KIF3C: variants seen among roughly 807,000 people sequenced by gnomAD.
KIF3C encodes kinesin family member 3C.
Under a neutral mutation model 67.7 loss-of-function variants are expected in KIF3C, and 12 were observed. That is an observed-to-expected ratio of 0.18 (90% CI 0.11 to 0.29). The LOEUF is 0.29. KIF3C is among the 10% of genes least tolerant of loss of function. KIF3C has a pLI of 1.00. For missense variants in KIF3C, 789 were observed against 1,059.6 expected (o/e 0.74, Z 3.55); for synonymous variants, 393 against 426.2 (o/e 0.92, Z 0.96).
At position 25,955,824 on chromosome 2, in the gene KIF3C, G is replaced by A. The variant is rs1268212162; in HGVS notation, c.1648-161C>T. ...CCACCCAATCCTGCAGAGCCCCTGG[G>A]AACCCTCCTCTCAGTTCCCAGGGCC... On this transcript the variant is annotated intron_variant, in intron 2 of 7. Coordinates refer to ENST00000264712, the MANE Select transcript of KIF3C (RefSeq NM_002254.8). This position sits in a 1 kb window ranked among gnomAD's most constrained non-coding sequence, Gnocchi z 5.0. Among the ~76,000 whole-genome samples, 2 of 152,020 alleles carry A rather than the reference G, an allele frequency of 1.3e-5. No individual in the cohort carries two copies. The highest frequency in any genetic ancestry group is 2.9e-5 in the Non-Finnish European group (2 of 68,002).
intron 1 of KIF3C, among the ~76,000 whole-genome samples, chr2:25,969,119 C>T (rs868531213): frequency 1.2e-4 from 19 of 152,132 alleles, no homozygotes; most frequent in Middle Eastern, 3.2e-3. Context: ...CCACCGCGTC[C>T]GGTCAGGAAT....
At chr2:25,945,564 C>CAAAAA (rs10581291) in intron 5 of KIF3C, among the ~76,000 whole-genome samples, 2 of 67,396 alleles carry the variant, frequency 3.0e-5, no homozygotes, top group Admixed American at 1.7e-4. Context: ...GAGAATATCT[C>CAAAAA]AAAAAAAAAA....
chr2:25,948,672 G>GAA (rs1663513870), intron 5 of KIF3C, among the ~76,000 whole-genome samples: 1 of 141,236 alleles, frequency 7.1e-6, no homozygotes, highest in South Asian at 2.3e-4. Flanking sequence ...GAGAGAAAGA[G>GAA]AGAGAGAAAG....
intron 1 of KIF3C, among the ~76,000 whole-genome samples, chr2:25,976,089 C>G (rs949904180): frequency 9.2e-5 from 14 of 152,326 alleles, no homozygotes; most frequent in Admixed American, 6.5e-4. Flanking sequence ...ATTACTGTTA[C>G]TGTTGTCGCT....
In KIF3C at chr2:25,982,336, T is replaced by G; in HGVS notation, c.-419A>C. Reference sequence around the variant, plus strand: ...TCCTCTAGGGATCCATAGCGTGGGCTGCCGGTCGTGGGCGGCCGGGGGTCC... The same window carrying G: ...TCCTCTAGGGATCCATAGCGTGGGCGGCCGGTCGTGGGCGGCCGGGGGTCC... On this transcript the variant is annotated 5_prime_UTR_variant, in exon 1 of 8. Transcript: ENST00000264712. 1 of 399,002 alleles carries G rather than the reference T, an allele frequency of 2.5e-6. No individual in the cohort carries two copies. 24.7% of individuals were successfully genotyped at this position (399,002 alleles called of 1,614,324 possible). A position where few individuals can be genotyped will look rare whatever the true frequency, so the allele number is the denominator to read the frequency against.
chr2:25,943,195 T>C (rs1429387444), intron 5 of KIF3C, among the ~76,000 whole-genome samples: 2 of 152,204 alleles, frequency 1.3e-5, no homozygotes, highest in African/African-American at 2.4e-5. Context: ...CCTAATTAAG[T>C]GATGCGGCAA....
intron 5 of KIF3C, among the ~76,000 whole-genome samples, chr2:25,949,102 A>T (rs1277520127): frequency 6.6e-6 from 1 of 152,220 alleles, no homozygotes; most frequent in Non-Finnish European, 1.5e-5. Context: ...TGATCATTGC[A>T]CTGTGGAACA....
chr2:25,965,311 C>G (rs1664111438), intron 1 of KIF3C, among the ~76,000 whole-genome samples: 1 of 152,276 alleles, frequency 6.6e-6, no homozygotes, highest in South Asian at 2.1e-4. Context: ...TCCTTCTCCC[C>G]AGTCTCACCC....
intron 1 of KIF3C, among the ~76,000 whole-genome samples, chr2:25,970,236 G>A (rs547849011): frequency 3.9e-5 from 6 of 152,240 alleles, no homozygotes; most frequent in African/African-American, 9.6e-5. Flanking sequence ...ACATGGGCTC[G>A]TAACTCTGGC....
Position 25,958,745 on chromosome 2 carries a change from C to T in KIF3C, c.1546-2301G>A, listed in dbSNP as rs1361641011. On this transcript the variant is annotated intron_variant, in intron 1 of 7. Transcript: ENST00000264712. This position sits in a 1 kb window ranked among gnomAD's most constrained non-coding sequence, Gnocchi z 4.5. ...GGTTCCTCTTACTATTCATGCTCTGCGTATGCTCTGTACTCCAGCCTCACC... is the reference window on the plus strand; with the variant it reads ...GGTTCCTCTTACTATTCATGCTCTGTGTATGCTCTGTACTCCAGCCTCACC... 2.0e-5 allele frequency among the ~76,000 whole-genome samples: 3 copies of T among 152,154 alleles called. No individual in the cohort carries two copies. Among genetic ancestry groups the T allele is most frequent in the African/African-American group, 7.2e-5 (3 of 41,430 alleles).
chr2:25,979,958 T>C (rs1289162794), intron 1 of KIF3C, among the ~76,000 whole-genome samples: 3 of 152,184 alleles, frequency 2.0e-5, no homozygotes, highest in Admixed American at 1.3e-4. Context: ...AATGATATTA[T>C]TAAAACGACG....
intron 1 of KIF3C, among the ~76,000 whole-genome samples, chr2:25,973,553 C>CA (rs5829988): frequency 7.5e-5 from 8 of 106,814 alleles, no homozygotes; most frequent in Admixed American, 2.0e-4. Flanking sequence ...GACTCTGTCT[C>CA]AAAAAAAAAA....
At chr2:25,951,734 G>A (rs985480341) in intron 5 of KIF3C, 55 bp downstream of exon 5, 36 of 1,232,190 alleles carry the variant, frequency 2.9e-5, no homozygotes, top group African/African-American at 2.2e-4. Flanking sequence ...CACCAGCCCC[G>A]ACCTGGAGTG....
rs1428993485 is a variant in KIF3C at position 25,929,970 on chromosome 2, G to C, written c.2100C>G (p.Ser700=). 6.2e-7 allele frequency: 1 copy of C among 1,610,802 alleles called. No individual in the cohort carries two copies. Among genetic ancestry groups the C allele is most frequent in the Non-Finnish European group, 8.5e-7 (1 of 1,176,952 alleles). Residue 700 remains serine (S), a synonymous_variant, in exon 6 of 8, where the codon TCC becomes TCG. Coordinates refer to ENST00000264712, the MANE Select transcript of KIF3C (RefSeq NM_002254.8). ...CGCTTCTTACCCTGTACCTGGGGTG[G>C]GACCCCATTGCCATGGCAACCCGAG... is the stretch of plus-strand genomic sequence containing the variant. ...QYARVAMAMG[S]HPRYRAENIM...
At position 25,975,254 on chromosome 2, in the gene KIF3C, G is replaced by A. The variant is rs555472771; in HGVS notation, c.1545+5119C>T. 3.8e-5 allele frequency among the ~76,000 whole-genome samples: 5 copies of A among 130,154 alleles called. No homozygotes were observed. The South Asian group carries it at 1.2e-3, about 30-fold the overall frequency. The allele number at this position is 130,154 out of a possible 152,430, so 85.4% of individuals were successfully genotyped here. A position where few individuals can be genotyped will look rare whatever the true frequency, so the allele number is the denominator to read the frequency against. Reference sequence around the variant, plus strand: ...AGGCTCACTGCAGCCTCAACCTCCTGGGCTCAAGCGATCCTCCCACCTCAG... The same window carrying A: ...AGGCTCACTGCAGCCTCAACCTCCTAGGCTCAAGCGATCCTCCCACCTCAG... On this transcript the variant is annotated intron_variant, in intron 1 of 7. Transcript: ENST00000264712.
chr2:25,970,667 C>CAAAAAAA (rs397984116), intron 1 of KIF3C, among the ~76,000 whole-genome samples: 2 of 54,804 alleles, frequency 3.6e-5, no homozygotes, highest in Non-Finnish European at 6.4e-5. Context: ...AACTTTGTCT[C>CAAAAAAA]AAAAAAAAAA....
chr2:25,973,553 C>A (rs1664334104), intron 1 of KIF3C, among the ~76,000 whole-genome samples: 5 of 106,806 alleles, frequency 4.7e-5, no homozygotes, highest in African/African-American at 1.7e-4. Context: ...GACTCTGTCT[C>A]AAAAAAAAAA....
At chr2:25,934,666 A>G (rs757967963) in intron 5 of KIF3C, among the ~76,000 whole-genome samples, 1 of 152,208 alleles carries the variant, frequency 6.6e-6, no homozygotes, top group Non-Finnish European at 1.5e-5. Context: ...CCACTACATT[A>G]TTAAGCAGTA....
chr2:25,952,523 ATATGTGTGTG>A (rs1663643868), intron 4 of KIF3C, among the ~76,000 whole-genome samples: 4 of 83,690 alleles, frequency 4.8e-5, no homozygotes, highest in South Asian at 6.3e-4. Context: ...AATTGTATAT[ATATGTGTGTG>A]TGTGTGTGTG....
Sources: allele counts gnomAD v4.1 joint callset (sites outside exome capture counted in the v4.1 genomes callset), GRCh38; gene constraint gnomAD v4.1.1; non-coding constraint Gnocchi (gnomAD v3.1); transcripts MANE v1.5; gene names NCBI Gene and HGNC (gene_info 2026-07-23, HGNC 2026-07-21).